MRPS5: variants seen among roughly 807,000 people sequenced by gnomAD.
The protein encoded by MRPS5 is mitochondrial ribosomal protein S5, also known as small ribosomal subunit protein uS5m.
A neutral mutation model predicts 51.9 loss-of-function variants in MRPS5; 27 were observed. That is an observed-to-expected ratio of 0.52 (90% CI 0.38 to 0.72). MRPS5 has a LOEUF of 0.72. MRPS5 is among the 30% of genes least tolerant of loss of function. MRPS5 has a pLI of 0.00. For synonymous variants in MRPS5, 196 were observed against 193.2 expected, an observed-to-expected ratio of 1.01 and a Z score of -0.12; for missense variants, 570 against 545.7, an observed-to-expected ratio of 1.04 and a Z score of -0.44.
intron 6 of MRPS5, among the ~76,000 whole-genome samples, 200 bp downstream of exon 6, chr2:95,106,221 CCA>C (rs367589936): frequency 9.8e-5 from 15 of 152,306 alleles, no homozygotes; most frequent in African/African-American, 3.6e-4. Flanking sequence ...GCTCCCCGCC[CCA>C]CAGAGAGGGT....
At chr2:95,119,662 C>T (rs1676385290) in intron 1 of MRPS5, among the ~76,000 whole-genome samples, 1 of 149,832 alleles carries the variant, frequency 6.7e-6, no homozygotes, top group Non-Finnish European at 1.5e-5. Flanking sequence ...GTAAAAAAGA[C>T]AGACATTAAG....
At chr2:95,092,137 C>T in intron 10 of MRPS5, 1 of 152,254 alleles carries the variant, frequency 6.6e-6, no homozygotes, top group East Asian at 1.9e-4. Context: ...GACACATACA[C>T]AAACACCCAC....
chr2:95,096,248 C>T (rs956244034), intron 10 of MRPS5, among the ~76,000 whole-genome samples: 3 of 152,138 alleles, frequency 2.0e-5, no homozygotes, highest in Non-Finnish European at 4.4e-5. Context: ...CCAAATTCTA[C>T]CAGAGGTACA....
Position 95,087,601 on chromosome 2 carries a change from G to A in MRPS5, c.1069-20C>T. The A allele has an allele frequency of 2.5e-6, 4 of 1,601,716 alleles. No homozygotes were observed. The highest frequency in any genetic ancestry group is 3.4e-6 in the Non-Finnish European group (4 of 1,172,472). On this transcript the variant is annotated intron_variant, in intron 11 of 11. Coordinates refer to ENST00000272418, the MANE Select transcript of MRPS5 (RefSeq NM_031902.5). ...GGTTTCCTAAGCAAGACCAAATTCA[G>A]AACAGGTTAGGTCTGAAGTACATTT...
At chr2:95,087,749 G>A (rs1421968814) in intron 11 of MRPS5, among the ~76,000 whole-genome samples, 168 bp from the exon 12 acceptor site, 1 of 152,168 alleles carries the variant, frequency 6.6e-6, no homozygotes, top group Non-Finnish European at 1.5e-5. Flanking sequence ...TGTCATGGGT[G>A]GAGTCATTTC....
At chr2:95,101,801 C>A in intron 7 of MRPS5, 78 bp from the exon 8 acceptor site, 1 of 934,442 alleles carries the variant, frequency 1.1e-6, no homozygotes, top group Non-Finnish European at 1.6e-6. Flanking sequence ...CAAGTTTCTG[C>A]TCCTACAATA....
At chr2:95,108,552 G>T in intron 4 of MRPS5, 144 bp from the exon 5 acceptor site, 2 of 692,224 alleles carry the variant, frequency 2.9e-6, no homozygotes, top group Non-Finnish European at 4.7e-6. Context: ...TAGGTCACTT[G>T]GCACAATCAA....
intron 10 of MRPS5, among the ~76,000 whole-genome samples, chr2:95,094,267 C>T (rs1675553258): frequency 6.6e-6 from 1 of 152,144 alleles, no homozygotes; most frequent in South Asian, 2.1e-4. Context: ...ATTGGTGTAC[C>T]TGGAAGTGAC....
chr2:95,103,300 A>G (rs1207977282), intron 7 of MRPS5, among the ~76,000 whole-genome samples: 1 of 152,248 alleles, frequency 6.6e-6, no homozygotes, highest in Non-Finnish European at 1.5e-5. Flanking sequence ...GGCAAAGCAT[A>G]TAACGAACAG....
chr2:95,116,860 G>A (rs534076776), intron 2 of MRPS5, among the ~76,000 whole-genome samples: 1 of 151,862 alleles, frequency 6.6e-6, no homozygotes, highest in African/African-American at 2.4e-5. Flanking sequence ...AGCTGGGTGT[G>A]GTGGCACATG....
At chr2:95,100,604 C>G in intron 9 of MRPS5, 68 bp from the exon 10 acceptor site, 1 of 1,231,806 alleles carries the variant, frequency 8.1e-7, no homozygotes, top group Non-Finnish European at 1.2e-6. Flanking sequence ...GCAAATATCA[C>G]AAAGCAATGT....
rs750503767 is a variant in MRPS5, at chr2:95,100,503, G to A, written c.902C>T (p.Thr301Met). ...GGGTTGTTTCTTCATCTTGATATGCGTCCTTTTAAATCTTAATGAAATATC... is the reference window on the plus strand; with the variant it reads ...GGGTTGTTTCTTCATCTTGATATGCATCCTTTTAAATCTTAATGAAATATC... The part of the protein sequence containing the change: ...FHDISLRFKR[T>M]HIKMKKQPKG... Residue 301 changes from threonine to methionine, a missense_variant, in exon 10 of 12, where the codon ACG (threonine) becomes ATG (methionine). Physicochemically the swap from Thr to Met is moderately conservative, Grantham distance 81. Transcript: ENST00000272418. The A allele has an allele frequency of 6.8e-6, 11 of 1,607,712 alleles. No individual in the cohort carries two copies. The highest frequency in any genetic ancestry group is 6.8e-6 in the Non-Finnish European group (8 of 1,174,560).
chr2:95,090,872 T>C (rs1675444797), intron 10 of MRPS5: 1 of 214,428 alleles, frequency 4.7e-6, no homozygotes, highest in African/African-American at 2.3e-5. Context: ...CTCACCCTCC[T>C]TGATAGTTCC....
In MRPS5 at chr2:95,115,084, A is replaced by G. The variant is rs1482977860; in HGVS notation, c.259T>C (p.Tyr87His). 2 of 1,580,986 alleles carry G rather than the reference A, an allele frequency of 1.3e-6. No individual in the cohort carries two copies. The highest frequency in any genetic ancestry group is 1.7e-6 in the Non-Finnish European group (2 of 1,168,712). ...TACATACATTTAGTGAAGAAACTAT[A>G]TGGTCTATACTGCTGGCTCATCAGG... is the stretch of plus-strand genomic sequence containing the variant. ...SHLMSQQYRP[Y>H]SFFTKLTADE... Residue 87 changes from tyrosine (Y) to histidine (H), a missense_variant, in exon 3 of 12, where the codon TAT (tyrosine) becomes CAT (histidine). Coordinates refer to ENST00000272418, the MANE Select transcript of MRPS5 (RefSeq NM_031902.5).
intron 4 of MRPS5, 55 bp downstream of exon 4, chr2:95,109,861 A>C: frequency 6.4e-7 from 1 of 1,571,748 alleles, no homozygotes; most frequent in Non-Finnish European, 8.6e-7. Flanking sequence ...ATATCTATAA[A>C]ATCTGGGGTA....
Position 95,104,762 on chromosome 2 carries a change from C to G in MRPS5, c.673-32G>C, listed in dbSNP as rs186046433. 399 of 1,600,804 alleles carry G rather than the reference C, an allele frequency of 2.5e-4. 1 individual carries two copies. In the African/African-American group the frequency reaches 4.5e-3, roughly 18 times the overall value. On this transcript the variant is annotated intron_variant, in intron 6 of 11. Coordinates refer to ENST00000272418, the MANE Select transcript of MRPS5 (RefSeq NM_031902.5). The stretch of plus-strand genomic sequence containing the variant: ...GGCAAAATGTCTCATAAATATTGCA[C>G]ATTAAGAAAATCTGAAGGAGGGAAC...
intron 7 of MRPS5, chr2:95,104,393 G>A (rs1675888712): frequency 2.0e-6 from 1 of 510,654 alleles, no homozygotes; most frequent in East Asian, 3.6e-5. Context: ...ATAAAATAAT[G>A]TCTTCAGCCT....
At chr2:95,090,765 G>A (rs1163350074) in intron 10 of MRPS5, 12 of 447,660 alleles carry the variant, frequency 2.7e-5, no homozygotes, top group Middle Eastern at 6.2e-4. Context: ...ACATTTTGAG[G>A]GCAAAAAAAC....
At chr2:95,108,913 A>AAAT (rs1676034676) in intron 4 of MRPS5, among the ~76,000 whole-genome samples, 1 of 152,100 alleles carries the variant, frequency 6.6e-6, no homozygotes, top group Non-Finnish European at 1.5e-5. Context: ...TTAGCTATTT[A>AAAT]TATATAAATT....
Sources: allele counts gnomAD v4.1 joint callset (sites outside exome capture counted in the v4.1 genomes callset), GRCh38; gene constraint gnomAD v4.1.1; transcripts MANE v1.5; gene names NCBI Gene and HGNC (gene_info 2026-07-23, HGNC 2026-07-21).